Variants in CREB5 observed in about 807,000 individuals in gnomAD.
The protein encoded by CREB5 is cyclic AMP-responsive element-binding protein 5.
In CREB5, 19 loss-of-function variants were observed where a neutral mutation model predicts 57.1. The ratio of observed to expected loss-of-function variants is 0.33; its 90% CI spans 0.23 to 0.49. The LOEUF is 0.49. CREB5 is among the 20% of genes least tolerant of loss of function. The probability of loss-of-function intolerance (pLI) is 0.99; values close to 1 mark genes in which losing one functional copy is unlikely to be tolerated. For synonymous variants in CREB5, 238 were observed against 238.3 expected, an observed-to-expected ratio of 1.00 and a Z score of 0.01; for missense variants, 579 against 671.6, an observed-to-expected ratio of 0.86 and a Z score of 1.52.
chr7:28,716,818 A>G (rs749600615), intron 5 of CREB5, among the ~76,000 whole-genome samples: 3 of 152,196 alleles, frequency 2.0e-5, no homozygotes, highest in Admixed American at 6.5e-5. Context: ...TTTTGGATCA[A>G]TTGAAACCAG....
intron 5 of CREB5, among the ~76,000 whole-genome samples, chr7:28,700,783 A>G (rs1462503542): frequency 6.6e-6 from 1 of 152,156 alleles, no homozygotes; most frequent in African/African-American, 2.4e-5. Context: ...TAGAAGCTCC[A>G]AAAAGTGAAT....
At chr7:28,681,303 C>T (rs184674084) in intron 5 of CREB5, among the ~76,000 whole-genome samples, 4 of 152,308 alleles carry the variant, frequency 2.6e-5, no homozygotes, top group Admixed American at 2.6e-4. Context: ...GAAGACCGAG[C>T]AGCCTGTGTT....
intron 1 of CREB5, among the ~76,000 whole-genome samples, chr7:28,358,854 C>T (rs1786401310): frequency 6.6e-6 from 1 of 152,150 alleles, no homozygotes; most frequent in Admixed American, 6.5e-5. Flanking sequence ...GGATTCTTCC[C>T]CCTTAGTTCT....
intron 7 of CREB5, among the ~76,000 whole-genome samples, chr7:28,784,770 G>A (rs544218812): frequency 6.6e-6 from 1 of 152,278 alleles, no homozygotes; most frequent in Admixed American, 6.5e-5. Flanking sequence ...GGGTTATGAT[G>A]TCTGCTTTCT....
At chr7:28,304,360 G>T (rs1425531312) in intron 1 of CREB5, among the ~76,000 whole-genome samples, 1 of 152,152 alleles carries the variant, frequency 6.6e-6, no homozygotes, top group Non-Finnish European at 1.5e-5. Flanking sequence ...CTAATGACAG[G>T]TATGTGGAAA....
chr7:28,361,799 AC>A (rs1228617350), intron 1 of CREB5, among the ~76,000 whole-genome samples: 1 of 152,198 alleles, frequency 6.6e-6, no homozygotes, highest in East Asian at 1.9e-4. Flanking sequence ...AATGCATAGA[AC>A]AATAGCACTC....
intron 1 of CREB5, among the ~76,000 whole-genome samples, chr7:28,306,707 C>T (rs1316248305): frequency 6.0e-5 from 9 of 151,038 alleles, no homozygotes; most frequent in African/African-American, 2.2e-4. Flanking sequence ...ACTACAGGCG[C>T]CCGCCACTAT....
At chr7:28,792,150 C>T (rs1443134926) in intron 7 of CREB5, among the ~76,000 whole-genome samples, 4 of 151,976 alleles carry the variant, frequency 2.6e-5, no homozygotes, top group African/African-American at 9.7e-5. Context: ...ACTAAAAATA[C>T]AAAAATTAGT....
intron 1 of CREB5, among the ~76,000 whole-genome samples, chr7:28,366,214 A>G (rs1478717380): frequency 6.6e-6 from 1 of 152,200 alleles, no homozygotes; most frequent in Non-Finnish European, 1.5e-5. Flanking sequence ...TTAGAACTTG[A>G]AAAATTTCCT....
chr7:28,777,534 A>C (rs1173083978), intron 7 of CREB5, among the ~76,000 whole-genome samples: 1 of 152,212 alleles, frequency 6.6e-6, no homozygotes, highest in Non-Finnish European at 1.5e-5. Context: ...TCCATCAACA[A>C]GGTAGCCTGT....
intron 7 of CREB5, among the ~76,000 whole-genome samples, chr7:28,735,886 C>T (rs1803950432): frequency 1.3e-5 from 2 of 151,830 alleles, no homozygotes; most frequent in Non-Finnish European, 2.9e-5. Flanking sequence ...CTCACTGCTG[C>T]CTCAAATTCT....
At chr7:28,386,469 C>T (rs1787106134) in intron 1 of CREB5, among the ~76,000 whole-genome samples, 1 of 152,078 alleles carries the variant, frequency 6.6e-6, no homozygotes, top group South Asian at 2.1e-4. Flanking sequence ...GTCTTTATGT[C>T]TGGTGTTTTG....
chr7:28,724,949 C>T (rs1163326740), intron 7 of CREB5, among the ~76,000 whole-genome samples: 2 of 152,166 alleles, frequency 1.3e-5, no homozygotes, highest in African/African-American at 2.4e-5. Context: ...CTATATTCTA[C>T]CAAATATTAG....
chr7:28,374,313 A>C (rs953357622), intron 1 of CREB5, among the ~76,000 whole-genome samples: 1 of 152,186 alleles, frequency 6.6e-6, no homozygotes, highest in African/African-American at 2.4e-5. Flanking sequence ...TGTTTCTCCA[A>C]AAATTAAACA....
At chr7:28,443,262 C>T (rs1789282705) in intron 1 of CREB5, among the ~76,000 whole-genome samples, 1 of 152,186 alleles carries the variant, frequency 6.6e-6, no homozygotes, top group Non-Finnish European at 1.5e-5. Context: ...CAGGTGGCTG[C>T]TGAACATGCA....
Position 28,430,995 on chromosome 7 carries a change from C to T in CREB5, c.3+18078C>T, listed in dbSNP as rs574248600. Among the ~76,000 whole-genome samples the T allele has an allele frequency of 3.9e-4, 59 of 152,258 alleles. 1 individual carries two copies. The highest frequency in any genetic ancestry group is 3.4e-3 in the Middle Eastern group (1 of 294). ...ACTTGTATGGCTGTTGGCTGGCTTC[C>T]GATTCTTGCTGGCTGTTGGCCTGAG... On this transcript the variant is annotated intron_variant, in intron 1 of 10. Coordinates refer to ENST00000357727, the MANE Select transcript of CREB5 (RefSeq NM_182898.4).
intron 4 of CREB5, among the ~76,000 whole-genome samples, chr7:28,536,345 C>G (rs1281879158): frequency 6.6e-6 from 1 of 152,116 alleles, no homozygotes; most frequent in Non-Finnish European, 1.5e-5. Flanking sequence ...TTCTTTTCTC[C>G]CACTCTATCA....
chr7:28,694,459 G>C (rs1562577147), intron 5 of CREB5, among the ~76,000 whole-genome samples: 1 of 152,006 alleles, frequency 6.6e-6, no homozygotes, highest in Non-Finnish European at 1.5e-5. Flanking sequence ...GAAGCTCCCT[G>C]TGACGTGTAC....
chr7:28,723,744 A>G (rs1803177427), intron 6 of CREB5, among the ~76,000 whole-genome samples: 1 of 152,182 alleles, frequency 6.6e-6, no homozygotes, highest in African/African-American at 2.4e-5. Flanking sequence ...AAATTTAGAG[A>G]CAAAAAAAGC....
Sources: allele counts gnomAD v4.1 joint callset (sites outside exome capture counted in the v4.1 genomes callset), GRCh38; gene constraint gnomAD v4.1.1; transcripts MANE v1.5; gene names NCBI Gene and HGNC (gene_info 2026-07-23, HGNC 2026-07-21).